The following CLOCK variants were observed in gnomAD, a reference collection of about 807,000 sequenced individuals.
CLOCK encodes the protein circadian locomoter output cycles protein kaput.
Under a neutral mutation model 118.4 loss-of-function variants are expected in CLOCK, and 43 were observed. The ratio of observed to expected loss-of-function variants is 0.36; its 90% CI spans 0.28 to 0.47. CLOCK has a LOEUF of 0.47. CLOCK is among the 20% of genes least tolerant of loss of function. The probability of loss-of-function intolerance (pLI) is 1.00; values close to 1 mark genes in which losing one functional copy is unlikely to be tolerated. For synonymous variants in CLOCK, 326 were observed against 339.2 expected, an observed-to-expected ratio of 0.96 and a Z score of 0.43; for missense variants, 846 against 999.9, an observed-to-expected ratio of 0.85 and a Z score of 2.08.
intron 3 of CLOCK, among the ~76,000 whole-genome samples, chr4:55,484,268 G>C (rs1394251491): frequency 1.3e-5 from 2 of 151,970 alleles, no homozygotes; most frequent in Admixed American, 6.6e-5. Flanking sequence ...ATAGCTCACT[G>C]CTGCCTTGAA....
At chr4:55,494,583 G>A (rs1022134898) in intron 2 of CLOCK, among the ~76,000 whole-genome samples, 1 of 152,016 alleles carries the variant, frequency 6.6e-6, no homozygotes, top group Non-Finnish European at 1.5e-5. Context: ...AGGATAGGAG[G>A]GGGGATGAGG....
intron 8 of CLOCK, among the ~76,000 whole-genome samples, chr4:55,469,482 G>T (rs1293226051): frequency 6.6e-6 from 1 of 152,216 alleles, no homozygotes; most frequent in Non-Finnish European, 1.5e-5. Flanking sequence ...TATTACAGGA[G>T]ATGACTCCAT....
intron 15 of CLOCK, among the ~76,000 whole-genome samples, chr4:55,450,781 A>C (rs1391739199): frequency 6.8e-6 from 1 of 148,076 alleles, no homozygotes; most frequent in Non-Finnish European, 1.5e-5. Flanking sequence ...AAAAAAAAAA[A>C]CATTAACTCA....
chr4:55,504,179 G>A (rs28456193), intron 2 of CLOCK, among the ~76,000 whole-genome samples: 2,247 of 149,526 alleles, frequency 0.015, 62 homozygotes, highest in African/African-American at 0.053. Context: ...CCAACTATTC[G>A]GGACCCTGAG....
intron 2 of CLOCK, among the ~76,000 whole-genome samples, chr4:55,506,496 T>G (rs1244158100): frequency 6.6e-6 from 1 of 152,160 alleles, no homozygotes; most frequent in Non-Finnish European, 1.5e-5. Context: ...TCAGAAGACT[T>G]AAATAAAAAA....
chr4:55,462,453 A>C (rs1264434884), intron 9 of CLOCK, among the ~76,000 whole-genome samples: 5 of 152,070 alleles, frequency 3.3e-5, no homozygotes, highest in Non-Finnish European at 7.4e-5. Flanking sequence ...TGCTCAGCTA[A>C]TTTTTGGTAG....
chr4:55,458,421 CTCTT>C (rs1187011196), intron 11 of CLOCK, among the ~76,000 whole-genome samples: 2 of 152,074 alleles, frequency 1.3e-5, no homozygotes, highest in African/African-American at 2.4e-5. Context: ...TAGTGGTTAA[CTCTT>C]TCACTTTCCC....
At chr4:55,542,372 AATAATAATATTATTATT>A (rs1731332153) in intron 1 of CLOCK, among the ~76,000 whole-genome samples, 1 of 19,016 alleles carries the variant, frequency 5.3e-5, no homozygotes, top group Non-Finnish European at 1.1e-4. Context: ...TAATAATAAT[AATAATAATATTATTATT>A]ATTATTATTA....
chr4:55,454,029 A>G (rs1724705811), intron 13 of CLOCK, among the ~76,000 whole-genome samples: 1 of 152,150 alleles, frequency 6.6e-6, no homozygotes, highest in Admixed American at 6.6e-5. Flanking sequence ...TGCCCAATTC[A>G]CAGCTAGTCA....
In CLOCK at chr4:55,428,966, GAC is replaced by G. The variant is rs1462822848; in HGVS notation, c.*6447_*6448del. 2.6e-4 allele frequency: 36 copies of G among 139,714 alleles called. No individual in the cohort carries two copies. The highest frequency in any genetic ancestry group is 8.2e-4 in the African/African-American group (32 of 38,888). The allele number at this position is 139,714 out of a possible 1,614,324, so 8.7% of individuals were successfully genotyped here. On this transcript the variant is annotated 3_prime_UTR_variant, in exon 23 of 23. Transcript: ENST00000513440. ...GGTCTGAATGGTAACTGTTCTGGCT[GAC>G]ACATCTTTTTTTTTTTTTTTTTTTT...
At chr4:55,515,160 C>T (rs936623393) in intron 1 of CLOCK, among the ~76,000 whole-genome samples, 11 of 152,100 alleles carry the variant, frequency 7.2e-5, no homozygotes, top group African/African-American at 2.2e-4. Context: ...TTATCAAATT[C>T]GTGGGCACAG....
At chr4:55,470,932 T>C (rs1262192477) in intron 7 of CLOCK, 126 bp from the exon 8 acceptor site, 1 of 682,652 alleles carries the variant, frequency 1.5e-6, no homozygotes, top group African/African-American at 1.8e-5. Context: ...CAAAATATAA[T>C]ACTAGCTTTC....
chr4:55,455,453 C>T (rs1401407947), intron 13 of CLOCK, among the ~76,000 whole-genome samples: 4 of 152,114 alleles, frequency 2.6e-5, no homozygotes, highest in Admixed American at 2.0e-4. Context: ...TGATAATGCT[C>T]CTGCTCTAAC....
intron 1 of CLOCK, among the ~76,000 whole-genome samples, chr4:55,513,567 T>TTG (rs1288840248): frequency 3.9e-5 from 6 of 152,164 alleles, no homozygotes; most frequent in Admixed American, 3.9e-4. Context: ...AAAGTAAGTC[T>TTG]TGAAGTCAGG....
chr4:55,519,868 G>C (rs780348177), intron 1 of CLOCK, among the ~76,000 whole-genome samples: 19 of 152,234 alleles, frequency 1.2e-4, no homozygotes, highest in South Asian at 4.1e-4. Context: ...GACAGGAGGG[G>C]TGGCAGGGGG....
rs1364143694 is a variant in CLOCK at position 55,460,465 on chromosome 4, T to TA, written c.560-1205dup. On this transcript the variant is annotated intron_variant, in intron 9 of 22. Coordinates refer to ENST00000513440, the MANE Select transcript of CLOCK (RefSeq NM_004898.4). ...CAAGCTCCCTTCGTCTATGTATGCTTATTTCCCAAGTTAGAAACCGTTAAC... is the reference window on the plus strand; with the variant it reads ...CAAGCTCCCTTCGTCTATGTATGCTTAATTTCCCAAGTTAGAAACCGTTAAC... 2.0e-5 allele frequency among the ~76,000 whole-genome samples: 3 copies of TA among 152,340 alleles called. No homozygotes were observed. The East Asian group carries it at 5.8e-4, about 29-fold the overall frequency.
In CLOCK at chr4:55,479,650, T is replaced by C; in HGVS notation, c.97A>G (p.Lys33Glu). Residue 33 changes from lysine to glutamate, a missense_variant, in exon 5 of 23, where the codon AAA (lysine) becomes GAA (glutamate). This residue lies in a region of CLOCK where 246 missense variants were observed against 300.2 expected (regional missense o/e 0.82). Coordinates refer to ENST00000513440, the MANE Select transcript of CLOCK (RefSeq NM_004898.4). ...CTCTAATCAAACTACCTTTTCGCTTTGTCCTTGTCATCTTCTTCCACCAAC... is the reference window on the plus strand; with the variant it reads ...CTCTAATCAAACTACCTTTTCGCTTCGTCCTTGTCATCTTCTTCCACCAAC... Reference protein sequence around the residue: ...DGLVEEDDKDKAKRVSRNKSE... With the variant: ...DGLVEEDDKDEAKRVSRNKSE... The C allele has an allele frequency of 6.2e-7, 1 of 1,611,970 alleles. No homozygotes were observed. The highest frequency in any genetic ancestry group is 1.1e-5 in the South Asian group (1 of 90,958).
chr4:55,479,093 G>C, intron 5 of CLOCK, 130 bp from the exon 6 acceptor site: 1 of 733,136 alleles, frequency 1.4e-6, no homozygotes, highest in Non-Finnish European at 2.1e-6. Context: ...TATCTTCCAG[G>C]TTACCAATAT....
intron 1 of CLOCK, among the ~76,000 whole-genome samples, chr4:55,539,070 T>G (rs535707952): frequency 4.7e-4 from 72 of 151,734 alleles, no homozygotes; most frequent in Admixed American, 3.7e-3. Context: ...CTATCTCTAC[T>G]AAAAATACAA....
Sources: allele counts gnomAD v4.1 joint callset (sites outside exome capture counted in the v4.1 genomes callset), GRCh38; gene constraint gnomAD v4.1.1; regional missense constraint gnomAD v4.1.1; transcripts MANE v1.5; gene names NCBI Gene and HGNC (gene_info 2026-07-23, HGNC 2026-07-21).